Variants in DCDC1 observed in about 807,000 individuals in gnomAD.
DCDC1 encodes doublecortin domain-containing protein 1.
DCDC1 carries 200 observed loss-of-function variants against 178.3 expected under a neutral mutation model. The observed-to-expected ratio is 1.12, with a 90% CI of 1.00 to 1.26. DCDC1 has a LOEUF of 1.26. Among genes scored for constraint, DCDC1 ranks in the 50% most tolerant of loss-of-function variants. The pLI, the probability that DCDC1 is intolerant of heterozygous loss-of-function variation, is 0.00. For synonymous variants in DCDC1, 690 were observed against 604.8 expected, an observed-to-expected ratio of 1.14 and a Z score of -2.07; for missense variants, 1,983 against 1,749.2, an observed-to-expected ratio of 1.13 and a Z score of -2.38.
chr11:31,151,777 A>G (rs1422335563), intron 9 of DCDC1, among the ~76,000 whole-genome samples: 1 of 152,202 alleles, frequency 6.6e-6, no homozygotes, highest in East Asian at 1.9e-4. Context: ...ATGCATTCAA[A>G]TGTTCCTTAA....
chr11:31,252,319 G>T (rs774033230), intron 8 of DCDC1, among the ~76,000 whole-genome samples: 1 of 152,140 alleles, frequency 6.6e-6, no homozygotes, highest in African/African-American at 2.4e-5. Context: ...AAAAATCTTA[G>T]AGGTAGAAGT....
At chr11:31,109,922 AC>A (rs1316974361) in intron 12 of DCDC1, among the ~76,000 whole-genome samples, 3 of 152,088 alleles carry the variant, frequency 2.0e-5, no homozygotes, top group Non-Finnish European at 4.4e-5. Flanking sequence ...GTTTAGAAAT[AC>A]CCTAGATCCA....
intron 2 of DCDC1, among the ~76,000 whole-genome samples, chr11:31,333,134 A>G (rs1950088136): frequency 6.6e-6 from 1 of 152,118 alleles, no homozygotes; most frequent in African/African-American, 2.4e-5. Flanking sequence ...ACCATTGTAT[A>G]ATGGCCTTTT....
intron 9 of DCDC1, among the ~76,000 whole-genome samples, chr11:31,216,917 T>C (rs1359080656): frequency 6.6e-6 from 1 of 152,176 alleles, no homozygotes; most frequent in Non-Finnish European, 1.5e-5. Flanking sequence ...TCCCTCAATG[T>C]TTGGTTTCTA....
rs971391303 is a variant in DCDC1, at chr11:31,056,040, C to T, written c.2591+8429G>A. Reference sequence around the variant, plus strand: ...TTTAAAAATACGTATAGAACTAAAACATGCCAGCATTTAGAGAGAAAGTGC... The same window carrying T: ...TTTAAAAATACGTATAGAACTAAAATATGCCAGCATTTAGAGAGAAAGTGC... On this transcript the variant is annotated intron_variant, in intron 20 of 38. Transcript: ENST00000684477. Among the ~76,000 whole-genome samples, 2 of 152,088 alleles carry T rather than the reference C, an allele frequency of 1.3e-5. 1 individual carries two copies. The highest frequency in any genetic ancestry group is 4.1e-4 in the South Asian group (2 of 4,834).
chr11:30,908,385 T>C (rs1166298358), intron 29 of DCDC1, among the ~76,000 whole-genome samples: 1 of 151,998 alleles, frequency 6.6e-6, no homozygotes, highest in Non-Finnish European at 1.5e-5. Context: ...CGCAACTGAG[T>C]GTCACATAGA....
intron 11 of DCDC1, among the ~76,000 whole-genome samples, chr11:31,123,071 T>A (rs369424953): frequency 5.3e-5 from 8 of 152,024 alleles, no homozygotes; most frequent in African/African-American, 1.9e-4. Context: ...TAAAACTGTA[T>A]TTACAAAAAA....
chr11:31,035,846 A>G (rs1188412841), intron 20 of DCDC1, among the ~76,000 whole-genome samples: 1 of 152,208 alleles, frequency 6.6e-6, no homozygotes, highest in Non-Finnish European at 1.5e-5. Flanking sequence ...TTATAACTGG[A>G]ATTCTCCTGT....
intron 21 of DCDC1, among the ~76,000 whole-genome samples, chr11:30,946,953 A>G (rs1002384720): frequency 1.3e-5 from 2 of 152,148 alleles, no homozygotes; most frequent in Non-Finnish European, 2.9e-5. Context: ...CCTTCATAAA[A>G]CAAGAATCAC....
intron 6 of DCDC1, among the ~76,000 whole-genome samples, chr11:31,299,203 A>G (rs1284278749): frequency 6.6e-6 from 1 of 152,204 alleles, no homozygotes; most frequent in Admixed American, 6.5e-5. Flanking sequence ...CTTAAGTGTC[A>G]TCATTTATTG....
At chr11:30,877,185 C>G (rs1032099093) in intron 38 of DCDC1, among the ~76,000 whole-genome samples, 32 of 152,108 alleles carry the variant, frequency 2.1e-4, no homozygotes, top group African/African-American at 7.7e-4. Flanking sequence ...AAATACTAGG[C>G]CTTTTGCAGC....
chr11:31,274,109 T>A (rs1482319256), intron 7 of DCDC1, among the ~76,000 whole-genome samples: 20 of 152,114 alleles, frequency 1.3e-4, no homozygotes, highest in Admixed American at 1.3e-3. Context: ...GATACAAGAA[T>A]CCACTATTTT....
chr11:31,097,989 C>A (rs1429828708), intron 15 of DCDC1, among the ~76,000 whole-genome samples: 6 of 152,096 alleles, frequency 3.9e-5, no homozygotes, highest in Admixed American at 3.9e-4. Flanking sequence ...TACCATAATT[C>A]CAAAATTATA....
At chr11:31,350,302 A>C (rs1951009217) in intron 1 of DCDC1, among the ~76,000 whole-genome samples, 1 of 152,118 alleles carries the variant, frequency 6.6e-6, no homozygotes, top group African/African-American at 2.4e-5. Context: ...TTATATCAAT[A>C]CTCAAGGAGG....
At chr11:31,272,094 G>A (rs548155836) in intron 7 of DCDC1, among the ~76,000 whole-genome samples, 11 of 151,784 alleles carry the variant, frequency 7.2e-5, no homozygotes, top group East Asian at 1.9e-4. Context: ...CCCAGCAGGC[G>A]GAGGCTGCAG....
chr11:30,871,465 G>C (rs1941547641), intron 38 of DCDC1, among the ~76,000 whole-genome samples: 1 of 152,114 alleles, frequency 6.6e-6, no homozygotes, highest in Admixed American at 6.6e-5. Flanking sequence ...GTGAGTCTCT[G>C]TAACTTGTAA....
At chr11:31,144,369 G>A (rs1964203346) in intron 9 of DCDC1, among the ~76,000 whole-genome samples, 1 of 152,024 alleles carries the variant, frequency 6.6e-6, no homozygotes, top group Admixed American at 6.6e-5. Context: ...AAACTCCTGA[G>A]CAGGTGATCC....
intron 9 of DCDC1, among the ~76,000 whole-genome samples, chr11:31,180,485 T>G: frequency 6.6e-6 from 1 of 152,134 alleles, no homozygotes; most frequent in Non-Finnish European, 1.5e-5. Context: ...ATTTCTGCAT[T>G]TCCAACTGAG....
chr11:30,955,452 G>A (rs1012914675), intron 20 of DCDC1, among the ~76,000 whole-genome samples: 1 of 152,038 alleles, frequency 6.6e-6, no homozygotes, highest in Non-Finnish European at 1.5e-5. Flanking sequence ...CATTATCTGA[G>A]TAGACAATCC....
Sources: gnomAD v4.1 joint callset for allele counts (sites outside exome capture counted in the v4.1 genomes callset) on GRCh38, gnomAD v4.1.1 for gene constraint, MANE v1.5 for transcripts, NCBI Gene and HGNC (gene_info 2026-07-23, HGNC 2026-07-21) for gene names.